The following PTPRD variants were observed in gnomAD, a reference collection of about 807,000 sequenced individuals.
PTPRD encodes the protein protein tyrosine phosphatase receptor type D, also known as receptor-type tyrosine-protein phosphatase delta.
PTPRD carries 34 observed loss-of-function variants against 214.5 expected under a neutral mutation model. That is an observed-to-expected ratio of 0.16 (90% confidence interval 0.12 to 0.21). PTPRD has a LOEUF of 0.21. Among genes scored for constraint, PTPRD ranks in the 10% least tolerant of loss-of-function variants. The pLI, the probability that PTPRD is intolerant of heterozygous loss-of-function variation, is 1.00. For synonymous variants in PTPRD, 1,128 were observed against 845.7 expected, an observed-to-expected ratio of 1.33 and a Z score of -5.79; for missense variants, 2,545 against 2,398.7, an observed-to-expected ratio of 1.06 and a Z score of -1.27.
intron 3 of PTPRD, among the ~76,000 whole-genome samples, chr9:10,120,196 A>ATATTT: frequency 1.3e-5 from 2 of 152,102 alleles, no homozygotes; most frequent in African/African-American, 4.8e-5. Context: ...GGCTTTGTGC[A>ATATTT]AATGAATTAC....
intron 9 of PTPRD, among the ~76,000 whole-genome samples, chr9:9,360,968 G>A (rs968492362): frequency 1.3e-5 from 2 of 151,092 alleles, no homozygotes; most frequent in African/African-American, 4.8e-5. Context: ...TAAAAAGAAA[G>A]AACTGCAGTG....
intron 11 of PTPRD, among the ~76,000 whole-genome samples, chr9:8,947,939 A>G (rs539434505): frequency 5.3e-5 from 8 of 151,944 alleles, no homozygotes; most frequent in Non-Finnish European, 1.2e-4. Context: ...GTATCATTGC[A>G]TCGAGGTTCA....
At chr9:10,357,767 G>A (rs2097304617) in intron 2 of PTPRD, among the ~76,000 whole-genome samples, 1 of 152,156 alleles carries the variant, frequency 6.6e-6, no homozygotes, top group Non-Finnish European at 1.5e-5. Context: ...TATGCATAAA[G>A]TGCCGGAATA....
At chr9:9,597,125 T>G (rs1269696598) in intron 7 of PTPRD, among the ~76,000 whole-genome samples, 1 of 151,936 alleles carries the variant, frequency 6.6e-6, no homozygotes, top group African/African-American at 2.4e-5. Flanking sequence ...GCCTTAAACA[T>G]CTTCCTGCTC....
At chr9:8,651,054 T>C (rs898734930) in intron 12 of PTPRD, among the ~76,000 whole-genome samples, 2 of 152,184 alleles carry the variant, frequency 1.3e-5, no homozygotes, top group Non-Finnish European at 2.9e-5. Context: ...TGAGCACATG[T>C]AGCAAGAAAC....
At chr9:10,231,989 A>AGTGTGTGT (rs61314978) in intron 3 of PTPRD, among the ~76,000 whole-genome samples, 3,938 of 92,304 alleles carry the variant, frequency 0.043, 130 homozygotes, top group Non-Finnish European at 0.057. Context: ...AGAGAGAGAG[A>AGTGTGTGT]GTGTGTGTGT....
At position 10,120,158 on chromosome 9, in the gene PTPRD, A is replaced by C. The variant is rs78429014; in HGVS notation, c.-544-86368T>G. On this transcript the variant is annotated intron_variant, in intron 3 of 45. Coordinates refer to ENST00000381196, the MANE Select transcript of PTPRD (RefSeq NM_002839.4). ...TAAGAATTTTACACTTCATAATAAC[A>C]AAGTATAATTACATTTTCTGTATGT... 3.5e-3 allele frequency among the ~76,000 whole-genome samples: 527 copies of C among 152,222 alleles called. 5 individuals carry two copies. Among genetic ancestry groups the C allele is most frequent in the Non-Finnish European group, 6.5e-3 (443 of 67,942 alleles).
At chr9:8,593,768 A>G (rs971430806) in intron 14 of PTPRD, among the ~76,000 whole-genome samples, 1 of 152,214 alleles carries the variant, frequency 6.6e-6, no homozygotes. Context: ...AACAAGTATC[A>G]CAAATGGTGA....
chr9:8,486,585 T>C lies in PTPRD; in HGVS notation c.2468-236A>G, dbSNP rs1051224927. 29 of 661,746 alleles carry C rather than the reference T, an allele frequency of 4.4e-5. No individual in the cohort carries two copies. In the African/African-American group the frequency reaches 4.6e-4, roughly 11 times the overall value. The allele number at this position is 661,746 out of a possible 1,614,324, so 41.0% of individuals were successfully genotyped here. On this transcript the variant is annotated intron_variant, in intron 27 of 45. Transcript: ENST00000381196. ...AATGGACACAAAACAGAAATTATCATTGAAACAACAGCTTAAGGGGATTTT... is the reference window on the plus strand; with the variant it reads ...AATGGACACAAAACAGAAATTATCACTGAAACAACAGCTTAAGGGGATTTT...
At chr9:10,237,098 G>A (rs2099631450) in intron 3 of PTPRD, among the ~76,000 whole-genome samples, 1 of 151,822 alleles carries the variant, frequency 6.6e-6, no homozygotes, top group African/African-American at 2.4e-5. Context: ...GGATGATCAT[G>A]ATGTATTGAT....
intron 10 of PTPRD, among the ~76,000 whole-genome samples, chr9:9,162,334 A>G (rs772925807): frequency 6.6e-6 from 1 of 152,114 alleles, no homozygotes; most frequent in Non-Finnish European, 1.5e-5. Context: ...TTCCTGACAG[A>G]TACTATTTCA....
chr9:8,463,819 C>G (rs886195696), intron 32 of PTPRD, among the ~76,000 whole-genome samples: 2 of 151,660 alleles, frequency 1.3e-5, no homozygotes, highest in African/African-American at 4.8e-5. Flanking sequence ...ACCAGTCTAC[C>G]CTTGGAACAT....
At chr9:9,098,528 C>T (rs985945317) in intron 10 of PTPRD, among the ~76,000 whole-genome samples, 5 of 152,170 alleles carry the variant, frequency 3.3e-5, no homozygotes, top group East Asian at 3.9e-4. Flanking sequence ...GGATTATAGG[C>T]ATGAGCCACC....
At chr9:8,340,641 T>G (rs1037836536) in intron 41 of PTPRD, among the ~76,000 whole-genome samples, 172 bp from the exon 42 acceptor site, 4 of 152,128 alleles carry the variant, frequency 2.6e-5, no homozygotes, top group African/African-American at 7.2e-5. Context: ...TTAATACATT[T>G]TGGGGACTTC....
chr9:9,346,671 A>G (rs1164206672), intron 9 of PTPRD, among the ~76,000 whole-genome samples: 2 of 152,022 alleles, frequency 1.3e-5, no homozygotes, highest in Non-Finnish European at 2.9e-5. Context: ...GTACTATTCT[A>G]TTAAATACAT....
rs1555249397 is a variant in PTPRD at position 9,333,504 on chromosome 9, T to TATATATATATATATATATATATATATA, written c.-203+63944_-203+63945insTATATATATATATATATATATATATAT. 3.2e-3 allele frequency among the ~76,000 whole-genome samples: 444 copies of TATATATATATATATATATATATATATA among 137,102 alleles called. 23 individuals carry two copies. The highest frequency in any genetic ancestry group is 0.012 in the African/African-American group (405 of 34,172). 89.9% of individuals were successfully genotyped at this position (137,102 alleles called of 152,430 possible). A position where few individuals can be genotyped will look rare whatever the true frequency, so the allele number is the denominator to read the frequency against. ...TAAAACATATATATTATATAGTATA[T>TATATATATATATATATATATATATATA]TATATATATATATATATATATAAAG... On this transcript the variant is annotated intron_variant, in intron 9 of 45. Transcript: ENST00000381196.
chr9:9,368,589 C>A (rs1373342236), intron 9 of PTPRD, among the ~76,000 whole-genome samples: 1 of 151,640 alleles, frequency 6.6e-6, no homozygotes, highest in Non-Finnish European at 1.5e-5. Flanking sequence ...TGAAAAAGTC[C>A]CAAAGATTAT....
chr9:9,559,652 T>A (rs1431668823), intron 8 of PTPRD, among the ~76,000 whole-genome samples: 1 of 152,210 alleles, frequency 6.6e-6, no homozygotes, highest in African/African-American at 2.4e-5. Context: ...AGTGGAGCTA[T>A]GCACATAGCC....
chr9:9,166,195 T>C (rs1413899682), intron 10 of PTPRD, among the ~76,000 whole-genome samples: 1 of 152,058 alleles, frequency 6.6e-6, no homozygotes, highest in Non-Finnish European at 1.5e-5. Flanking sequence ...CTGTGGTTTC[T>C]GATCCTTTCA....
Sources: gnomAD v4.1 joint callset for allele counts (sites outside exome capture counted in the v4.1 genomes callset) on GRCh38, gnomAD v4.1.1 for gene constraint, MANE v1.5 for transcripts, NCBI Gene and HGNC (gene_info 2026-07-23, HGNC 2026-07-21) for gene names.